Variants in LGR6 observed in about 807,000 individuals in gnomAD.
LGR6 encodes the protein leucine-rich repeat-containing G protein-coupled receptor 6.
Under a neutral mutation model 69.4 loss-of-function variants are expected in LGR6, and 45 were observed. The ratio of observed to expected loss-of-function variants is 0.65; its 90% CI spans 0.51 to 0.83. The LOEUF is 0.83. LGR6 is among the 40% of genes least tolerant of loss of function. The probability of loss-of-function intolerance (pLI) is 0.00; values close to 1 mark genes in which losing one functional copy is unlikely to be tolerated. For missense variants in LGR6, 1,108 were observed against 1,246.7 expected, an observed-to-expected ratio of 0.89 and a Z score of 1.68; for synonymous variants, 538 against 555.0, an observed-to-expected ratio of 0.97 and a Z score of 0.43.
At chr1:202,280,290 A>C (rs1035312756) in intron 5 of LGR6, among the ~76,000 whole-genome samples, 26 of 152,130 alleles carry the variant, frequency 1.7e-4, no homozygotes, top group African/African-American at 5.8e-4. Context: ...TGGCCTCACC[A>C]ATCTGCCTGT....
intron 7 of LGR6, 24 bp downstream of exon 7, chr1:202,297,600 T>C: frequency 6.2e-7 from 1 of 1,607,024 alleles, no homozygotes; most frequent in South Asian, 1.1e-5. Flanking sequence ...TTGGTTTCTG[T>C]GGGTGTCCTT....
rs117707154 is a variant in LGR6, at chr1:202,301,581, C to A, written c.929+346C>A. On this transcript the variant is annotated intron_variant, in intron 9 of 17. Transcript: ENST00000367278. Reference sequence around the variant, plus strand: ...TTGGGAGTTTTGAATATGGTGGGTTCTCAAGGCTGGTTCTCCTGTGGCCTT... The same window carrying A: ...TTGGGAGTTTTGAATATGGTGGGTTATCAAGGCTGGTTCTCCTGTGGCCTT... 1.6e-4 allele frequency among the ~76,000 whole-genome samples: 25 copies of A among 152,326 alleles called. No homozygotes were observed. The East Asian group carries it at 4.6e-3, about 28-fold the overall frequency.
Position 202,200,309 on chromosome 1 carries a change from C to T in LGR6, c.212+6108C>T, listed in dbSNP as rs1185989872. Among the ~76,000 whole-genome samples, 3 of 152,210 alleles carry T rather than the reference C, an allele frequency of 2.0e-5. No individual in the cohort carries two copies. In the East Asian group the frequency reaches 5.8e-4, roughly 29 times the overall value. On this transcript the variant is annotated intron_variant, in intron 1 of 17. Coordinates refer to ENST00000367278, the MANE Select transcript of LGR6 (RefSeq NM_001017403.2). Reference sequence around the variant, plus strand: ...AGCTTCTCCCCAGAAATCAGAGTTCCTTGAAATTAGAGTTTCTCTGCTATA... The same window carrying T: ...AGCTTCTCCCCAGAAATCAGAGTTCTTTGAAATTAGAGTTTCTCTGCTATA...
intron 6 of LGR6, among the ~76,000 whole-genome samples, chr1:202,286,389 AT>A (rs1186401845): frequency 6.6e-6 from 1 of 151,946 alleles, no homozygotes; most frequent in Non-Finnish European, 1.5e-5. Context: ...AATTAGAAAT[AT>A]TTTTTTTCTG....
intron 5 of LGR6, 73 bp from the exon 6 acceptor site, chr1:202,280,708 A>G (rs1170449307): frequency 4.6e-6 from 6 of 1,312,618 alleles, no homozygotes; most frequent in Non-Finnish European, 6.6e-6. Context: ...TCCCCATGCC[A>G]CCATGTGCTC....
At chr1:202,236,064 G>A (rs1040529052) in intron 4 of LGR6, 71 bp downstream of exon 4, 276 of 1,321,216 alleles carry the variant, frequency 2.1e-4, no homozygotes, top group Non-Finnish European at 2.7e-4. Flanking sequence ...AGGGCCCCCT[G>A]CCTCAGCTTT....
At chr1:202,272,800 A>G (rs1331547540) in intron 4 of LGR6, among the ~76,000 whole-genome samples, 2 of 152,268 alleles carry the variant, frequency 1.3e-5, no homozygotes, top group Non-Finnish European at 2.9e-5. Flanking sequence ...CATACATAGC[A>G]AAGGCCACTT....
At chr1:202,303,392 A>T in intron 10 of LGR6, 45 bp downstream of exon 10, 1 of 1,485,776 alleles carries the variant, frequency 6.7e-7, no homozygotes, top group Non-Finnish European at 9.4e-7. Context: ...CCCCAGCTTC[A>T]TTCCCAAGAG....
At chr1:202,234,540 A>AT (rs1317557024) in intron 3 of LGR6, among the ~76,000 whole-genome samples, 1 of 152,220 alleles carries the variant, frequency 6.6e-6, no homozygotes. Flanking sequence ...CCACTGCTGT[A>AT]TCCCACCACT....
At chr1:202,210,510 A>G (rs1057104526) in intron 1 of LGR6, among the ~76,000 whole-genome samples, 1 of 151,562 alleles carries the variant, frequency 6.6e-6, no homozygotes, top group Admixed American at 6.6e-5. Flanking sequence ...CCCTCTTCAG[A>G]CCTGGTAGTA....
intron 1 of LGR6, among the ~76,000 whole-genome samples, chr1:202,214,471 C>G (rs1033003828): frequency 3.0e-4 from 45 of 151,758 alleles, no homozygotes; most frequent in Non-Finnish European, 5.7e-4. Flanking sequence ...CTGGGGTGGG[C>G]AGGGGCGCGC....
intron 1 of LGR6, among the ~76,000 whole-genome samples, chr1:202,204,887 A>AAC (rs139017332): frequency 4.9e-4 from 1 of 2,054 alleles, no homozygotes; most frequent in Non-Finnish European, 7.9e-4. Context: ...ACCTCCTTCA[A>AAC]ACACACACAC....
rs201268273 is a variant in LGR6, at chr1:202,270,149, C to T, written c.429-6157C>T. Among the ~76,000 whole-genome samples, 51 of 152,284 alleles carry T rather than the reference C, an allele frequency of 3.3e-4. 2 individuals are homozygous for T. In the East Asian group the frequency reaches 9.7e-3, roughly 29 times the overall value. ...GCATATCCATATCTTACACAAAGAA[C>T]TGTGAGTCTCTCTGTCATTCCTTCG... On this transcript the variant is annotated intron_variant, in intron 4 of 17. Transcript: ENST00000367278.
chr1:202,240,509 AC>A (rs1662097665), intron 4 of LGR6, among the ~76,000 whole-genome samples: 1 of 152,176 alleles, frequency 6.6e-6, no homozygotes, highest in African/African-American at 2.4e-5. Flanking sequence ...AGGCAGGATA[AC>A]CAAGTATCCT....
At chr1:202,304,406 A>G (rs1667826115) in intron 10 of LGR6, among the ~76,000 whole-genome samples, 153 bp from the exon 11 acceptor site, 1 of 151,656 alleles carries the variant, frequency 6.6e-6, no homozygotes, top group Non-Finnish European at 1.5e-5. Flanking sequence ...TTTTGTCCCC[A>G]CAGCCCCACC....
Position 202,319,397 on chromosome 1 carries a change from T to A in LGR6, c.*190T>A. On this transcript the variant is annotated 3_prime_UTR_variant, in exon 18 of 18. Transcript: ENST00000367278. ...CCAACGGGTGCCTCTTGGCCTGGCTTTCCCTTGGCCTTCCTCAGCTTCACC... is the reference window on the plus strand; with the variant it reads ...CCAACGGGTGCCTCTTGGCCTGGCTATCCCTTGGCCTTCCTCAGCTTCACC... The A allele has an allele frequency of 1.9e-6, 1 of 527,870 alleles. No homozygotes were observed. Among genetic ancestry groups the A allele is most frequent in the Non-Finnish European group, 3.2e-6 (1 of 314,552 alleles). 32.7% of individuals were successfully genotyped at this position (527,870 alleles called of 1,614,324 possible). A position where few individuals can be genotyped will look rare whatever the true frequency, so the allele number is the denominator to read the frequency against.
intron 1 of LGR6, 107 bp from the exon 2 acceptor site, chr1:202,225,316 G>A: frequency 4.3e-6 from 4 of 935,596 alleles, no homozygotes; most frequent in South Asian, 3.9e-5. Flanking sequence ...CTGGTGGGGG[G>A]TACTGTGGGA....
At chr1:202,219,403 T>C (rs1660001389) in intron 1 of LGR6, among the ~76,000 whole-genome samples, 1 of 152,128 alleles carries the variant, frequency 6.6e-6, no homozygotes, top group Non-Finnish European at 1.5e-5. Context: ...TGGAGAAAGC[T>C]GCTGGTCCAC....
intron 1 of LGR6, chr1:202,214,151 C>T: frequency 6.7e-7 from 1 of 1,502,922 alleles, no homozygotes; most frequent in Non-Finnish European, 8.8e-7. Context: ...TCCCAGGGGC[C>T]GGAATGCGCT....
Sources: allele counts gnomAD v4.1 joint callset (sites outside exome capture counted in the v4.1 genomes callset), GRCh38; gene constraint gnomAD v4.1.1; transcripts MANE v1.5; gene names NCBI Gene and HGNC (gene_info 2026-07-23, HGNC 2026-07-21).